The following SGCZ variants were observed in gnomAD, a reference collection of about 807,000 sequenced individuals.
SGCZ encodes the protein zeta-sarcoglycan.
In SGCZ, 40 loss-of-function variants were observed where a neutral mutation model predicts 41.3. The ratio of observed to expected loss-of-function variants is 0.97; its 90% CI spans 0.75 to 1.26. The LOEUF (loss-of-function observed/expected upper bound fraction) is 1.26, where lower values mean the gene tolerates loss of function less well. Ranked by LOEUF, SGCZ falls within the 50% of genes most tolerant of loss-of-function variation. The probability of loss-of-function intolerance (pLI) is 0.00; values close to 1 mark genes in which losing one functional copy is unlikely to be tolerated. For synonymous variants in SGCZ, 206 were observed against 137.5 expected (o/e 1.50, Z -3.49); for missense variants, 552 against 369.8 (o/e 1.49, Z -4.04).
chr8:15,122,221 T>C (rs1383174721), intron 1 of SGCZ, among the ~76,000 whole-genome samples: 2 of 151,116 alleles, frequency 1.3e-5, no homozygotes, highest in African/African-American at 2.4e-5. Context: ...AAAAAATCTA[T>C]TTTTTTCCAA....
At position 14,185,346 on chromosome 8, in the gene SGCZ, T is replaced by C. The variant is rs141714978; in HGVS notation, c.425-20644A>G. 2.7e-3 allele frequency among the ~76,000 whole-genome samples: 411 copies of C among 152,118 alleles called. 17 individuals carry two copies. In the East Asian group the frequency reaches 0.052, roughly 19 times the overall value. ...TGAACCAGGGAGGCGTAGGTTGCAG[T>C]GAGCCGAGATCACGCCACTGCACTC... On this transcript the variant is annotated intron_variant, in intron 4 of 7. Coordinates refer to ENST00000382080, the MANE Select transcript of SGCZ (RefSeq NM_139167.4).
At chr8:14,911,439 A>G (rs1048558395) in intron 1 of SGCZ, among the ~76,000 whole-genome samples, 2 of 152,098 alleles carry the variant, frequency 1.3e-5, no homozygotes, top group African/African-American at 4.8e-5. Context: ...CTGCACACTG[A>G]AGAAAGTATT....
chr8:15,032,462 C>T (rs1303599755), intron 1 of SGCZ, among the ~76,000 whole-genome samples: 4 of 152,048 alleles, frequency 2.6e-5, no homozygotes, highest in Non-Finnish European at 5.9e-5. Context: ...CAACACCAGG[C>T]CCACTCTAGT....
At chr8:14,813,220 G>A (rs922481219) in intron 1 of SGCZ, among the ~76,000 whole-genome samples, 2 of 152,140 alleles carry the variant, frequency 1.3e-5, no homozygotes, top group African/African-American at 2.4e-5. Context: ...CGATTTACCA[G>A]TCATCTTTGG....
At chr8:14,109,038 G>A (rs1802294596) in intron 5 of SGCZ, among the ~76,000 whole-genome samples, 1 of 152,118 alleles carries the variant, frequency 6.6e-6, no homozygotes, top group South Asian at 2.1e-4. Flanking sequence ...CCTCATAGAT[G>A]TTTAGCAGTT....
intron 2 of SGCZ, among the ~76,000 whole-genome samples, chr8:14,384,673 C>T (rs980677272): frequency 8.5e-5 from 13 of 152,168 alleles, no homozygotes; most frequent in African/African-American, 3.1e-4. Flanking sequence ...AATTGTCCTG[C>T]CTCAGCCACC....
chr8:14,345,577 G>A (rs975359004), intron 2 of SGCZ, among the ~76,000 whole-genome samples: 1 of 152,090 alleles, frequency 6.6e-6, no homozygotes, highest in South Asian at 2.1e-4. Flanking sequence ...ATTGGGTTTA[G>A]AAGCTCTGTT....
chr8:14,308,521 G>A (rs1423846681), intron 3 of SGCZ, among the ~76,000 whole-genome samples: 3 of 151,872 alleles, frequency 2.0e-5, no homozygotes, highest in East Asian at 1.9e-4. Context: ...TTGCAAACTC[G>A]TGCCATTAGA....
chr8:14,423,424 T>C (rs1386660397), intron 2 of SGCZ, among the ~76,000 whole-genome samples: 1 of 152,136 alleles, frequency 6.6e-6, no homozygotes, highest in African/African-American at 2.4e-5. Context: ...ATAATAATTA[T>C]TATTTTTTTA....
At chr8:14,616,060 G>A (rs73194137) in intron 1 of SGCZ, among the ~76,000 whole-genome samples, 39,603 of 151,984 alleles carry the variant, frequency 0.26, 5,274 homozygotes, top group African/African-American at 0.3. Context: ...GAGGCGGGCA[G>A]ATCACGAGGT....
intron 1 of SGCZ, among the ~76,000 whole-genome samples, chr8:14,725,958 G>A (rs1810034720): frequency 6.6e-6 from 1 of 151,838 alleles, no homozygotes; most frequent in Non-Finnish European, 1.5e-5. Flanking sequence ...ACTTATTAAA[G>A]TAAAATATTA....
In SGCZ at chr8:14,086,777, G is replaced by T. The variant is rs756813146; in HGVS notation, c.*3666C>A. 1.3e-5 allele frequency among the ~76,000 whole-genome samples: 2 copies of T among 150,030 alleles called. No homozygotes were observed. The highest frequency in any genetic ancestry group is 3.0e-5 in the Non-Finnish European group (2 of 66,616). On this transcript the variant is annotated 3_prime_UTR_variant, in exon 8 of 8. Coordinates refer to ENST00000382080, the MANE Select transcript of SGCZ (RefSeq NM_139167.4). ...AGCATAGGAAGTAGCGTGCCAAAAA[G>T]GTTTGTATTTCAACTTTTATAAGCA...
chr8:14,354,587 A>G (rs1224928996), intron 2 of SGCZ, among the ~76,000 whole-genome samples: 1 of 151,696 alleles, frequency 6.6e-6, no homozygotes, highest in Non-Finnish European at 1.5e-5. Context: ...AACATAATAC[A>G]AGAGTAAACT....
intron 1 of SGCZ, among the ~76,000 whole-genome samples, chr8:14,807,505 T>G (rs1247926650): frequency 2.6e-5 from 4 of 151,848 alleles, no homozygotes. Context: ...AGAAAATACC[T>G]AGGAATCCAA....
At chr8:14,874,558 T>C (rs1360624285) in intron 1 of SGCZ, among the ~76,000 whole-genome samples, 1 of 152,156 alleles carries the variant, frequency 6.6e-6, no homozygotes, top group Non-Finnish European at 1.5e-5. Context: ...ATGATTTATA[T>C]AGATAAGTAA....
intron 1 of SGCZ, among the ~76,000 whole-genome samples, chr8:14,602,016 A>T (rs1805606998): frequency 6.6e-6 from 1 of 152,068 alleles, no homozygotes; most frequent in Non-Finnish European, 1.5e-5. Flanking sequence ...GCTACTCGGG[A>T]GGCTGAGGCA....
chr8:14,463,581 G>A (rs866524681), intron 2 of SGCZ, among the ~76,000 whole-genome samples: 1 of 151,504 alleles, frequency 6.6e-6, no homozygotes, highest in Admixed American at 6.6e-5. Flanking sequence ...ACTGGATTTG[G>A]TAATGATTTC....
At chr8:14,703,219 T>A (rs1809225213) in intron 1 of SGCZ, among the ~76,000 whole-genome samples, 1 of 151,970 alleles carries the variant, frequency 6.6e-6, no homozygotes, top group Non-Finnish European at 1.5e-5. Flanking sequence ...CATGCAGTGA[T>A]CTGGTGGCTC....
chr8:14,513,035 C>G (rs1802511427), intron 2 of SGCZ, among the ~76,000 whole-genome samples: 1 of 152,104 alleles, frequency 6.6e-6, no homozygotes, highest in Admixed American at 6.6e-5. Flanking sequence ...TTGTTCGTGC[C>G]TTGCTCAGGC....
Sources: gnomAD v4.1 joint callset for allele counts (sites outside exome capture counted in the v4.1 genomes callset) on GRCh38, gnomAD v4.1.1 for gene constraint, MANE v1.5 for transcripts, NCBI Gene and HGNC (gene_info 2026-07-23, HGNC 2026-07-21) for gene names.